The following CTSC variants were observed in gnomAD, a reference collection of about 807,000 sequenced individuals.
The protein encoded by CTSC is dipeptidyl peptidase 1.
A neutral mutation model predicts 40.9 loss-of-function variants in CTSC; 37 were observed. The observed-to-expected ratio is 0.91, with a 90% CI of 0.70 to 1.19. The LOEUF is 1.19. Ranked by LOEUF, CTSC falls within the 50% of genes most tolerant of loss-of-function variation. The pLI is 0.00. For missense variants in CTSC, 594 were observed against 567.3 expected (o/e 1.05, Z -0.48); for synonymous variants, 232 against 207.4 (o/e 1.12, Z -1.02).
chr11:88,325,939 T>C, intron 2 of CTSC: 6 of 990,874 alleles, frequency 6.1e-6, no homozygotes, highest in Non-Finnish European at 7.2e-6. Flanking sequence ...TCAAGGTAAT[T>C]AGAGAAAGGA....
At chr11:88,310,898 G>GTT (rs1555028177) in intron 3 of CTSC, among the ~76,000 whole-genome samples, 1 of 152,098 alleles carries the variant, frequency 6.6e-6, no homozygotes, top group Non-Finnish European at 1.5e-5. Context: ...GCAGTAGCCT[G>GTT]CTGTTTCGCT....
intron 1 of CTSC, among the ~76,000 whole-genome samples, chr11:88,337,085 G>C (rs1252052619): frequency 6.6e-6 from 1 of 152,074 alleles, no homozygotes; most frequent in Non-Finnish European, 1.5e-5. Flanking sequence ...AAAACTTCAT[G>C]CTATATCCTC....
rs140808153 is a variant in CTSC at position 88,309,272 on chromosome 11, T to C, written c.532A>G (p.Ile178Val). 27 of 1,613,932 alleles carry C rather than the reference T, an allele frequency of 1.7e-5. No homozygotes were observed. The African/African-American group carries it at 3.6e-4, about 22-fold the overall frequency. ...GTCCAAGACTTCTGAATGGCATTGA[T>C]AGCTTTCACAAAGTTGTGATCATAC... The part of the protein sequence containing the change: ...YKYDHNFVKA[I>V]NAIQKSWTAT... The change falls in exon 4 of 7, where the codon ATC (isoleucine) becomes GTC (valine). Residue 178 changes from isoleucine to valine, a missense_variant. By Grantham distance (29) the Ile-to-Val change is conservative. Coordinates refer to ENST00000227266, the MANE Select transcript of CTSC (RefSeq NM_001814.6).
intron 1 of CTSC, 107 bp from the exon 2 acceptor site, chr11:88,335,189 C>T: frequency 6.2e-6 from 5 of 805,784 alleles, no homozygotes; most frequent in Non-Finnish European, 1.0e-5. Flanking sequence ...TTTCATGCTA[C>T]CCAGTTTGAG....
intron 2 of CTSC, chr11:88,325,209 C>A: frequency 1.0e-6 from 1 of 985,092 alleles, no homozygotes; most frequent in East Asian, 1.1e-4. Context: ...GACTATGACA[C>A]TTAGTTTGTA....
chr11:88,296,036 C>A (rs559963486), intron 6 of CTSC, 97 bp downstream of exon 6: 4 of 1,281,342 alleles, frequency 3.1e-6, no homozygotes, highest in South Asian at 1.2e-5. Context: ...ATAGACACTG[C>A]GCTCTCTCTA....
At chr11:88,307,556 CTTTTTTTTTT>C (rs5793311) in intron 4 of CTSC, among the ~76,000 whole-genome samples, 1 of 73,490 alleles carries the variant, frequency 1.4e-5, no homozygotes, top group African/African-American at 5.7e-5. Flanking sequence ...ATACTGATAA[CTTTTTTTTTT>C]TTTTTTTTTT....
intron 2 of CTSC, chr11:88,324,631 T>C (rs1938127082): frequency 1.0e-6 from 1 of 984,782 alleles, no homozygotes; most frequent in Non-Finnish European, 1.2e-6. Flanking sequence ...CAGGGAGAAA[T>C]ACAGATTTTC....
At chr11:88,313,272 T>C (rs918102810) in intron 2 of CTSC, among the ~76,000 whole-genome samples, 7 of 152,144 alleles carry the variant, frequency 4.6e-5, no homozygotes, top group South Asian at 2.1e-4. Context: ...GGTTTTGCCA[T>C]GTTGGCCAGG....
At chr11:88,332,251 T>C (rs971298914) in intron 2 of CTSC, among the ~76,000 whole-genome samples, 3 of 152,194 alleles carry the variant, frequency 2.0e-5, no homozygotes, top group Admixed American at 2.0e-4. Context: ...AGTTTTGATG[T>C]TTTCTCTTTT....
chr11:88,294,052 GCA>G lies in CTSC; in HGVS notation c.1344_1345del (p.Ala449AsnfsTer2), dbSNP rs771873680. 1.8e-5 allele frequency: 29 copies of G among 1,613,784 alleles called. No individual in the cohort carries two copies. Among genetic ancestry groups the G allele is most frequent in the Non-Finnish European group, 2.4e-5 (28 of 1,179,994 alleles). The stretch of plus-strand genomic sequence containing the variant: ...GGCTGCCACTGCTATGCTCTCAATT[GCA>G]CACTCATCAGTTCCTCTGCGGATCC... On this transcript the variant is annotated frameshift_variant, in exon 7 of 7. Transcript: ENST00000227266. LOFTEE classifies it high-confidence loss of function.
At chr11:88,336,238 T>TAA (rs3079112) in intron 1 of CTSC, among the ~76,000 whole-genome samples, 3 of 127,194 alleles carry the variant, frequency 2.4e-5, no homozygotes, top group Middle Eastern at 4.1e-3. Context: ...AACTCAAATT[T>TAA]AAAAAAAAAA....
chr11:88,310,299 C>G (rs1937724398), intron 3 of CTSC, among the ~76,000 whole-genome samples: 1 of 151,126 alleles, frequency 6.6e-6, no homozygotes, highest in African/African-American at 2.4e-5. Flanking sequence ...ATTCAACACA[C>G]AAAGAGCATA....
At chr11:88,318,385 G>A (rs1312261891) in intron 2 of CTSC, among the ~76,000 whole-genome samples, 1 of 152,126 alleles carries the variant, frequency 6.6e-6, no homozygotes, top group African/African-American at 2.4e-5. Context: ...AGATATAGAT[G>A]AAATTGAAGT....
At chr11:88,337,415 G>T in intron 1 of CTSC, 86 bp downstream of exon 1, 1 of 1,349,732 alleles carries the variant, frequency 7.4e-7, no homozygotes, top group Non-Finnish European at 1.0e-6. Flanking sequence ...CGTCTGCCTG[G>T]GGGGAAGCGG....
chr11:88,299,884 G>A (rs1944339192), intron 5 of CTSC: 2 of 152,346 alleles, frequency 1.3e-5, no homozygotes, highest in South Asian at 4.1e-4. Flanking sequence ...TAGAGGACAT[G>A]TTATGAAATC....
At chr11:88,325,881 A>G (rs1352057305) in intron 2 of CTSC, 32 of 987,738 alleles carry the variant, frequency 3.2e-5, no homozygotes, top group Non-Finnish European at 3.6e-5. Context: ...GTGAATCTCA[A>G]GAGATCCAAG....
chr11:88,303,753 G>T (rs965960457), intron 4 of CTSC, among the ~76,000 whole-genome samples: 4 of 152,188 alleles, frequency 2.6e-5, no homozygotes, highest in Non-Finnish European at 2.9e-5. Flanking sequence ...ACACAGCAAG[G>T]CCTGTCCAGA....
chr11:88,309,080 G>C (rs1937693958), intron 4 of CTSC, 83 bp downstream of exon 4: 1 of 1,252,368 alleles, frequency 8.0e-7, no homozygotes, highest in African/African-American at 1.5e-5. Flanking sequence ...AAAATGGCGA[G>C]CAACACTGGT....
Sources: gnomAD v4.1 joint callset for allele counts (sites outside exome capture counted in the v4.1 genomes callset) on GRCh38, gnomAD v4.1.1 for gene constraint, MANE v1.5 for transcripts, NCBI Gene and HGNC (gene_info 2026-07-23, HGNC 2026-07-21) for gene names.